The following SV2C variants were observed in gnomAD, a reference collection of about 807,000 sequenced individuals.
SV2C encodes solute carrier family 22 member B3.
SV2C carries 49 observed loss-of-function variants against 79.7 expected under a neutral mutation model. That is an observed-to-expected ratio of 0.61 (90% confidence interval 0.49 to 0.78). SV2C has a LOEUF of 0.78. Ranked by LOEUF, SV2C falls within the 30% of genes least tolerant of loss-of-function variation. The pLI, the probability that SV2C is intolerant of heterozygous loss-of-function variation, is 0.00. For missense variants in SV2C, 833 were observed against 912.9 expected, an observed-to-expected ratio of 0.91 and a Z score of 1.13; for synonymous variants, 334 against 333.2, an observed-to-expected ratio of 1.00 and a Z score of -0.03.
intron 1 of SV2C, among the ~76,000 whole-genome samples, chr5:76,092,221 T>A (rs1394713347): frequency 1.3e-5 from 2 of 152,202 alleles, no homozygotes; most frequent in African/African-American, 4.8e-5. Flanking sequence ...TATTTCTGAA[T>A]TGTTTGAGTT....
the SV2C span, among the ~76,000 whole-genome samples, chr5:75,896,316 T>G: frequency 6.6e-6 from 1 of 151,732 alleles, no homozygotes; most frequent in Non-Finnish European, 1.5e-5. Flanking sequence ...ATGCGGTGTT[T>G]GGTTTTTTGT....
At chr5:75,930,674 A>G in the SV2C span, among the ~76,000 whole-genome samples, 149 of 152,356 alleles carry the variant, frequency 9.8e-4, no homozygotes, top group African/African-American at 3.4e-3. Flanking sequence ...AAATCCATGG[A>G]CGTGAGCACT....
At chr5:75,920,476 A>AC in the SV2C span, among the ~76,000 whole-genome samples, 1 of 151,974 alleles carries the variant, frequency 6.6e-6, no homozygotes, top group Non-Finnish European at 1.5e-5. Context: ...ATTTTAAGAA[A>AC]CCCCCCCAAC....
rs70979391 is a variant in SV2C at position 76,294,304 on chromosome 5, CTT to C, written c.1338-1457_1338-1456del. On this transcript the variant is annotated intron_variant, in intron 8 of 12. Transcript: ENST00000502798. ...ATTTTGTTTCATTCATTCTCTCTCT[CTT>C]TTTTTTTTTTTTTTTTGATGGAGTC... Among the ~76,000 whole-genome samples the C allele has an allele frequency of 6.3e-4, 82 of 129,448 alleles. 1 individual carries two copies. The highest frequency in any genetic ancestry group is 1.4e-3 in the African/African-American group (49 of 34,800). 84.9% of individuals were successfully genotyped at this position (129,448 alleles called of 152,430 possible). A position where few individuals can be genotyped will look rare whatever the true frequency, so the allele number is the denominator to read the frequency against.
the SV2C span, among the ~76,000 whole-genome samples, chr5:75,893,635 T>A: frequency 9.9e-5 from 15 of 152,084 alleles, no homozygotes; most frequent in Admixed American, 6.6e-4. Context: ...AAACTACCTA[T>A]TGGGTACTAT....
At chr5:76,230,871 C>G (rs1745396352) in intron 4 of SV2C, among the ~76,000 whole-genome samples, 2 of 152,142 alleles carry the variant, frequency 1.3e-5, no homozygotes, top group African/African-American at 4.8e-5. Flanking sequence ...GACTATGAAT[C>G]AGAGGCTATA....
intron 4 of SV2C, among the ~76,000 whole-genome samples, chr5:76,234,813 G>C (rs1745563092): frequency 6.6e-6 from 1 of 152,160 alleles, no homozygotes; most frequent in African/African-American, 2.4e-5. Context: ...AGTGTGGCCT[G>C]TGCTTACTTG....
chr5:76,222,913 T>A (rs1348466816), intron 4 of SV2C, among the ~76,000 whole-genome samples: 1 of 152,198 alleles, frequency 6.6e-6, no homozygotes, highest in Non-Finnish European at 1.5e-5. Context: ...TAATGGAAGA[T>A]TAGACATTAG....
At chr5:75,980,704 A>C in the SV2C span, among the ~76,000 whole-genome samples, 1 of 152,206 alleles carries the variant, frequency 6.6e-6, no homozygotes, top group Non-Finnish European at 1.5e-5. Context: ...TATTGAAGGA[A>C]CATACCTCAA....
At chr5:76,288,832 C>T (rs554214775) in intron 6 of SV2C, among the ~76,000 whole-genome samples, 5 of 151,672 alleles carry the variant, frequency 3.3e-5, no homozygotes, top group East Asian at 1.9e-4. Flanking sequence ...TTTAAATCCA[C>T]GGTACAGCAA....
intron 1 of SV2C, among the ~76,000 whole-genome samples, chr5:76,090,815 G>T (rs1747352117): frequency 2.0e-5 from 3 of 152,138 alleles, no homozygotes; most frequent in African/African-American, 7.2e-5. Flanking sequence ...AATTTATCTA[G>T]GAGAAATATC....
At chr5:76,234,403 T>C (rs1042519976) in intron 4 of SV2C, among the ~76,000 whole-genome samples, 5 of 152,222 alleles carry the variant, frequency 3.3e-5, no homozygotes, top group East Asian at 1.9e-4. Context: ...GTGTAACATA[T>C]TCCAGGTGTT....
intron 1 of SV2C, among the ~76,000 whole-genome samples, chr5:76,117,171 A>G (rs1244413307): frequency 1.3e-5 from 2 of 152,184 alleles, no homozygotes; most frequent in Non-Finnish European, 2.9e-5. Flanking sequence ...TCCTGACCCA[A>G]CCAATGGATC....
intron 2 of SV2C, among the ~76,000 whole-genome samples, chr5:76,180,772 T>C (rs1052767272): frequency 2.0e-5 from 3 of 152,238 alleles, no homozygotes; most frequent in African/African-American, 7.2e-5. Context: ...CTGTGGACAC[T>C]GTTGAGCAGC....
chr5:75,938,910 T>A, the SV2C span, among the ~76,000 whole-genome samples: 3 of 152,210 alleles, frequency 2.0e-5, no homozygotes, highest in Non-Finnish European at 4.4e-5. Flanking sequence ...CAGTACTCAC[T>A]TCCTTTCTTG....
intron 4 of SV2C, among the ~76,000 whole-genome samples, chr5:76,223,888 C>G (rs977203987): frequency 6.6e-6 from 1 of 151,822 alleles, no homozygotes. Context: ...TTCTGGCCAC[C>G]TTCTTGCTGT....
intron 4 of SV2C, among the ~76,000 whole-genome samples, chr5:76,227,136 G>A (rs13165308): frequency 0.15 from 22,574 of 151,750 alleles, 2,000 homozygotes; most frequent in Admixed American, 0.22. Context: ...GGTGATTTGT[G>A]AAGATTTTCA....
At chr5:75,950,487 C>T in the SV2C span, among the ~76,000 whole-genome samples, 1 of 151,932 alleles carries the variant, frequency 6.6e-6, no homozygotes, top group African/African-American at 2.4e-5. Context: ...CTTCTATATC[C>T]AAAAGAGTAC....
At chr5:75,912,873 A>G in the SV2C span, among the ~76,000 whole-genome samples, 1 of 152,236 alleles carries the variant, frequency 6.6e-6, no homozygotes, top group African/African-American at 2.4e-5. Flanking sequence ...TTTGGTCTGT[A>G]TCCTAAAATT....
Sources: allele counts gnomAD v4.1 joint callset (sites outside exome capture counted in the v4.1 genomes callset), GRCh38; gene constraint gnomAD v4.1.1; transcripts MANE v1.5; gene names NCBI Gene and HGNC (gene_info 2026-07-23, HGNC 2026-07-21).